Variants in DPP10 observed in about 807,000 individuals in gnomAD.
The protein encoded by DPP10 is inactive dipeptidyl peptidase 10.
DPP10 carries 33 observed loss-of-function variants against 120.9 expected under a neutral mutation model. The ratio of observed to expected loss-of-function variants is 0.27; its 90% CI spans 0.21 to 0.37. DPP10 has a LOEUF of 0.37. DPP10 is among the 10% of genes least tolerant of loss of function. The pLI, the probability that DPP10 is intolerant of heterozygous loss-of-function variation, is 1.00. For synonymous variants in DPP10, 337 were observed against 326.1 expected, an observed-to-expected ratio of 1.03 and a Z score of -0.36; for missense variants, 816 against 942.8, an observed-to-expected ratio of 0.87 and a Z score of 1.76.
rs781140794 is a variant in DPP10, at chr2:114,455,986, C to T, written c.60+13148C>T. On this transcript the variant is annotated intron_variant, in intron 1 of 25. Transcript: ENST00000410059. Reference sequence around the variant, plus strand: ...CGTTGCATCACACCACATGGCAATACTGCTTATGAAAATATCTAACTTAAG... The same window carrying T: ...CGTTGCATCACACCACATGGCAATATTGCTTATGAAAATATCTAACTTAAG... 5.3e-5 allele frequency among the ~76,000 whole-genome samples: 8 copies of T among 152,180 alleles called. 1 individual carries two copies. In the South Asian group the frequency reaches 6.2e-4, roughly 12 times the overall value.
At chr2:114,834,559 G>GCACCTATGTATATATAAGCCATATCTACA (rs1687483934) in intron 1 of DPP10, among the ~76,000 whole-genome samples, 1 of 126,742 alleles carries the variant, frequency 7.9e-6, no homozygotes, top group East Asian at 2.5e-4. Context: ...CCATATCTAC[G>GCACCTATGTATATATAAGCCATATCTACA]CACCTATGTA....
At chr2:114,935,915 A>G (rs1696428322) in intron 1 of DPP10, among the ~76,000 whole-genome samples, 1 of 151,906 alleles carries the variant, frequency 6.6e-6, no homozygotes, top group Admixed American at 6.6e-5. Flanking sequence ...AAATCTCCAA[A>G]GGTGAGGTTT....
At chr2:115,298,508 A>T (rs2060986066) in intron 1 of DPP10, among the ~76,000 whole-genome samples, 1 of 151,988 alleles carries the variant, frequency 6.6e-6, no homozygotes, top group African/African-American at 2.4e-5. Flanking sequence ...TGTGCACAGG[A>T]ATCATCTGGA....
At chr2:115,108,083 TCAC>T (rs2049036692) in intron 1 of DPP10, among the ~76,000 whole-genome samples, 1 of 152,210 alleles carries the variant, frequency 6.6e-6, no homozygotes, top group African/African-American at 2.4e-5. Flanking sequence ...GTTTTCACTT[TCAC>T]CAGCTTACTT....
chr2:114,792,378 G>T lies in DPP10; in HGVS notation c.60+349540G>T, dbSNP rs1216118987. On this transcript the variant is annotated intron_variant, in intron 1 of 25. Transcript: ENST00000410059. ...TGGAAAGATACACACAATCGAATTA[G>T]CTAAGAAACCTCCAAATATCTTTCT... 2.0e-5 allele frequency among the ~76,000 whole-genome samples: 3 copies of T among 152,136 alleles called. No individual in the cohort carries two copies. In the South Asian group the frequency reaches 6.2e-4, roughly 32 times the overall value.
chr2:115,608,921 A>G (rs1331454328), intron 5 of DPP10, among the ~76,000 whole-genome samples: 2 of 152,142 alleles, frequency 1.3e-5, no homozygotes, highest in Non-Finnish European at 2.9e-5. Context: ...GGCATATAAT[A>G]TAAAAGGAGA....
At chr2:115,581,942 C>T (rs2082024005) in intron 5 of DPP10, among the ~76,000 whole-genome samples, 1 of 152,092 alleles carries the variant, frequency 6.6e-6, no homozygotes, top group Non-Finnish European at 1.5e-5. Flanking sequence ...CTATTCTTGC[C>T]TTCTTTGAGG....
intron 3 of DPP10, among the ~76,000 whole-genome samples, chr2:115,362,611 A>G (rs1165245931): frequency 6.6e-6 from 1 of 152,210 alleles, no homozygotes; most frequent in Non-Finnish European, 1.5e-5. Flanking sequence ...TGATAAAGAT[A>G]TATTAGTGAG....
At chr2:115,244,242 AGAGAGAGAG>A in intron 1 of DPP10, among the ~76,000 whole-genome samples, 1 of 10,344 alleles carries the variant, frequency 9.7e-5, no homozygotes, top group African/African-American at 4.0e-4. Flanking sequence ...ATATATATAG[AGAGAGAGAG>A]AGAGAGAGAG....
rs922603718 is a variant in DPP10, at chr2:115,461,433, A to T, written c.272-38077A>T. Among the ~76,000 whole-genome samples the T allele has an allele frequency of 2.0e-5, 3 of 152,182 alleles. No individual in the cohort carries two copies. In the South Asian group the frequency reaches 6.2e-4, roughly 31 times the overall value. On this transcript the variant is annotated intron_variant, in intron 3 of 25. Coordinates refer to ENST00000410059, the MANE Select transcript of DPP10 (RefSeq NM_020868.6). ...CAGTTTCAGTTACACAGGATGAATA[A>T]GTTCTGAAGATCTTTCATACAACAT...
intron 19 of DPP10, among the ~76,000 whole-genome samples, chr2:115,802,174 G>T (rs1685328612): frequency 6.6e-6 from 1 of 152,170 alleles, no homozygotes; most frequent in Non-Finnish European, 1.5e-5. Flanking sequence ...TAGTGTATGT[G>T]TCGAGGAATT....
chr2:115,766,284 ATATG>A (rs1321076494), intron 12 of DPP10, among the ~76,000 whole-genome samples: 141 of 50,214 alleles, frequency 2.8e-3, no homozygotes, highest in African/African-American at 5.7e-3. Context: ...CTCATTATAT[ATATG>A]TGTGTGTGTG....
chr2:114,759,968 G>A (rs1454909199), intron 1 of DPP10, among the ~76,000 whole-genome samples: 4 of 152,144 alleles, frequency 2.6e-5, no homozygotes, highest in African/African-American at 4.8e-5. Flanking sequence ...AGAAGCAATT[G>A]ATATTTTAGC....
chr2:115,553,778 G>T (rs2149015026), intron 5 of DPP10, among the ~76,000 whole-genome samples: 1 of 151,020 alleles, frequency 6.6e-6, no homozygotes. Flanking sequence ...CTGGGAAGAT[G>T]CTTATATAGA....
intron 1 of DPP10, among the ~76,000 whole-genome samples, chr2:115,191,506 T>C (rs1006558983): frequency 1.3e-5 from 2 of 152,210 alleles, no homozygotes; most frequent in African/African-American, 4.8e-5. Flanking sequence ...ATTGACGTGG[T>C]TACGTTAATA....
At chr2:114,561,174 C>T (rs72951878) in intron 1 of DPP10, among the ~76,000 whole-genome samples, 6,548 of 152,196 alleles carry the variant, frequency 0.043, 416 homozygotes, top group East Asian at 0.21. Flanking sequence ...AGCCCTCATC[C>T]GCAATCCACA....
chr2:115,554,924 G>A (rs550422651), intron 5 of DPP10, among the ~76,000 whole-genome samples: 1 of 152,138 alleles, frequency 6.6e-6, no homozygotes, highest in Admixed American at 6.6e-5. Context: ...TGAGTTATCT[G>A]CTGATGTCCT....
chr2:115,033,097 G>A (rs891869321), intron 1 of DPP10, among the ~76,000 whole-genome samples: 4 of 152,060 alleles, frequency 2.6e-5, no homozygotes, highest in African/African-American at 9.7e-5. Context: ...TGTTCTTCAC[G>A]AGTTTTATTT....
intron 5 of DPP10, among the ~76,000 whole-genome samples, chr2:115,554,098 A>T (rs1230503783): frequency 6.6e-6 from 1 of 151,472 alleles, no homozygotes; most frequent in Non-Finnish European, 1.5e-5. Flanking sequence ...TCTTGCTTTA[A>T]TACCAGTGAT....
Sources: allele counts gnomAD v4.1 joint callset (sites outside exome capture counted in the v4.1 genomes callset), GRCh38; gene constraint gnomAD v4.1.1; transcripts MANE v1.5; gene names NCBI Gene and HGNC (gene_info 2026-07-23, HGNC 2026-07-21).